The following GPC6 variants were observed in gnomAD, a reference collection of about 807,000 sequenced individuals.
The protein encoded by GPC6 is glypican-6.
Under a neutral mutation model 55.2 loss-of-function variants are expected in GPC6, and 14 were observed. That is an observed-to-expected ratio of 0.25 (90% CI 0.17 to 0.40). The LOEUF is 0.40. Ranked by LOEUF, GPC6 falls within the 10% of genes least tolerant of loss-of-function variation. GPC6 has a pLI of 1.00. For missense variants in GPC6, 641 were observed against 708.5 expected, an observed-to-expected ratio of 0.90 and a Z score of 1.08; for synonymous variants, 278 against 259.6, an observed-to-expected ratio of 1.07 and a Z score of -0.68.
intron 4 of GPC6, among the ~76,000 whole-genome samples, chr13:94,093,378 G>A (rs1157825600): frequency 1.3e-5 from 2 of 152,012 alleles, no homozygotes; most frequent in Admixed American, 6.6e-5. Flanking sequence ...TTCGCATTGT[G>A]TATTCTTGGC....
At chr13:94,304,772 T>G (rs563168945) in intron 5 of GPC6, among the ~76,000 whole-genome samples, 2 of 152,246 alleles carry the variant, frequency 1.3e-5, no homozygotes, top group South Asian at 4.1e-4. Context: ...GCTCAGTCTC[T>G]AAGATCATTA....
intron 1 of GPC6, among the ~76,000 whole-genome samples, chr13:93,422,421 G>A (rs567452478): frequency 5.9e-5 from 9 of 152,148 alleles, no homozygotes; most frequent in Non-Finnish European, 1.3e-4. Context: ...ATTACTTTTC[G>A]GATAGTTTCT....
intron 1 of GPC6, among the ~76,000 whole-genome samples, chr13:93,252,028 C>T (rs1396170201): frequency 2.6e-5 from 4 of 152,088 alleles, no homozygotes; most frequent in South Asian, 2.1e-4. Flanking sequence ...TTGATTATTT[C>T]GATTTGTTGA....
intron 1 of GPC6, among the ~76,000 whole-genome samples, chr13:93,339,908 T>C (rs571744555): frequency 6.6e-6 from 1 of 152,126 alleles, no homozygotes; most frequent in Non-Finnish European, 1.5e-5. Context: ...TTAAAATACC[T>C]GTGGGAAAAC....
At chr13:93,692,945 T>C (rs1882309556) in intron 2 of GPC6, among the ~76,000 whole-genome samples, 1 of 152,138 alleles carries the variant, frequency 6.6e-6, no homozygotes, top group Admixed American at 6.6e-5. Flanking sequence ...CAAATTTGTG[T>C]GGGTCAAATA....
rs1887431593 is a variant in GPC6 at position 93,830,258 on chromosome 13, C to T, written c.424C>T (p.Leu142Phe). ...YMQNSEVFQD[L>F]FTELKRYYTG... ...GCAGAATTCAGAAGTCTTCCAGGAC[C>T]TCTTCACAGAGCTGAAAAGGTACTA... Residue 142 changes from leucine to phenylalanine, a missense_variant, in exon 3 of 9, where the codon CTC becomes TTC. By Grantham distance (22) the Leu-to-Phe change is conservative. Coordinates refer to ENST00000377047, the MANE Select transcript of GPC6 (RefSeq NM_005708.5). 1 of 1,612,070 alleles carries T rather than the reference C, an allele frequency of 6.2e-7. No individual in the cohort carries two copies. Among genetic ancestry groups the T allele is most frequent in the South Asian group, 1.1e-5 (1 of 90,932 alleles).
rs138930577 is a variant in GPC6, at chr13:93,546,407, C to G, written c.319+986C>G. 5.4e-3 allele frequency among the ~76,000 whole-genome samples: 822 copies of G among 152,226 alleles called. 5 individuals are homozygous for G. Among genetic ancestry groups the G allele is most frequent in the African/African-American group, 0.018 (728 of 41,536 alleles). On this transcript the variant is annotated intron_variant, in intron 2 of 8. Coordinates refer to ENST00000377047, the MANE Select transcript of GPC6 (RefSeq NM_005708.5). Reference sequence around the variant, plus strand: ...ATTTTATTGCTGTTTTAAACTATTACAGCAACACTGATCTTTTTCAAATTG... The same window carrying G: ...ATTTTATTGCTGTTTTAAACTATTAGAGCAACACTGATCTTTTTCAAATTG...
intron 4 of GPC6, among the ~76,000 whole-genome samples, chr13:94,169,474 A>G (rs1888483771): frequency 6.6e-6 from 1 of 152,196 alleles, no homozygotes; most frequent in Non-Finnish European, 1.5e-5. Flanking sequence ...ATCTTAAAAT[A>G]CTAGAACTCA....
intron 3 of GPC6, among the ~76,000 whole-genome samples, chr13:93,977,693 C>T (rs1157564857): frequency 6.6e-6 from 1 of 152,104 alleles, no homozygotes; most frequent in African/African-American, 2.4e-5. Flanking sequence ...TAGACATATG[C>T]ACATCCTTAC....
rs184439235 is a variant in GPC6, at chr13:93,614,078, A to G, written c.319+68657A>G. Among the ~76,000 whole-genome samples, 367 of 152,290 alleles carry G rather than the reference A, an allele frequency of 2.4e-3. 3 individuals carry two copies. The highest frequency in any genetic ancestry group is 8.7e-3 in the African/African-American group (362 of 41,564). On this transcript the variant is annotated intron_variant, in intron 2 of 8. Coordinates refer to ENST00000377047, the MANE Select transcript of GPC6 (RefSeq NM_005708.5). ...CACTGTACATTTATGTTCAAGGAGG[A>G]ATAGACTTTATTTTCTCCTCAAATA...
intron 4 of GPC6, among the ~76,000 whole-genome samples, chr13:94,097,375 C>T (rs924830551): frequency 4.0e-5 from 6 of 151,826 alleles, no homozygotes; most frequent in Middle Eastern, 3.2e-3. Context: ...GGCGTGGTGG[C>T]GGGCGCCTGT....
chr13:94,047,307 A>C lies in GPC6; in HGVS notation c.877+19413A>C, dbSNP rs571735819. Among the ~76,000 whole-genome samples the C allele has an allele frequency of 9.9e-5, 15 of 152,158 alleles. No individual in the cohort carries two copies. The East Asian group carries it at 2.9e-3, about 29-fold the overall frequency. ...CTTTCCAATGCTCTGAGACGGGATG[A>C]GTGGGAGAAAGGGGGATCTCAGCCT... On this transcript the variant is annotated intron_variant, in intron 4 of 8. Coordinates refer to ENST00000377047, the MANE Select transcript of GPC6 (RefSeq NM_005708.5).
chr13:93,294,476 A>G lies in GPC6; in HGVS notation c.160+66860A>G, dbSNP rs530387832. On this transcript the variant is annotated intron_variant, in intron 1 of 8. Transcript: ENST00000377047. ...CCTGCCCCTGCAAAAAAGACAAAAC[A>G]AATCTCCCTTTCCCTCAGGAAGTAG... Among the ~76,000 whole-genome samples, 15 of 152,176 alleles carry G rather than the reference A, an allele frequency of 9.9e-5. 1 individual carries two copies. Among genetic ancestry groups the G allele is most frequent in the Middle Eastern group, 3.4e-3 (1 of 294 alleles).
intron 2 of GPC6, among the ~76,000 whole-genome samples, chr13:93,731,833 A>G (rs1486955818): frequency 5.9e-5 from 9 of 152,144 alleles, no homozygotes; most frequent in African/African-American, 1.9e-4. Context: ...GTCCCTCCTT[A>G]TTAGCCTTGA....
At chr13:93,342,611 C>G (rs1880298541) in intron 1 of GPC6, among the ~76,000 whole-genome samples, 1 of 152,080 alleles carries the variant, frequency 6.6e-6, no homozygotes, top group Non-Finnish European at 1.5e-5. Flanking sequence ...CCAAACCTTA[C>G]CAATAGGAGT....
chr13:93,842,756 G>A (rs528691337), intron 3 of GPC6, among the ~76,000 whole-genome samples: 1 of 151,852 alleles, frequency 6.6e-6, no homozygotes, highest in Admixed American at 6.6e-5. Context: ...ATTTTTTGTT[G>A]GTGGTAAGAA....
intron 3 of GPC6, among the ~76,000 whole-genome samples, chr13:93,936,160 T>C (rs1878427386): frequency 6.6e-6 from 1 of 152,206 alleles, no homozygotes; most frequent in African/African-American, 2.4e-5. Context: ...TATCATTCAA[T>C]GTTGCAATAT....
intron 6 of GPC6, among the ~76,000 whole-genome samples, chr13:94,317,152 G>A (rs764489038): frequency 6.6e-6 from 1 of 152,164 alleles, no homozygotes; most frequent in African/African-American, 2.4e-5. Flanking sequence ...TGGCTTCTGC[G>A]TGGAATTATT....
At chr13:93,874,046 C>A (rs1889214086) in intron 3 of GPC6, among the ~76,000 whole-genome samples, 2 of 151,974 alleles carry the variant, frequency 1.3e-5, no homozygotes, top group African/African-American at 4.8e-5. Flanking sequence ...TGTCTGGCAG[C>A]CAGATTTTAA....
Sources: gnomAD v4.1 joint callset for allele counts (sites outside exome capture counted in the v4.1 genomes callset) on GRCh38, gnomAD v4.1.1 for gene constraint, MANE v1.5 for transcripts, NCBI Gene and HGNC (gene_info 2026-07-23, HGNC 2026-07-21) for gene names.